The following RFTN1 variants were observed in gnomAD, a reference collection of about 807,000 sequenced individuals.
RFTN1 encodes raftlin, lipid raft linker 1.
Under a neutral mutation model 46.5 loss-of-function variants are expected in RFTN1, and 26 were observed. That is an observed-to-expected ratio of 0.56 (90% CI 0.41 to 0.78). The LOEUF (loss-of-function observed/expected upper bound fraction) is 0.78, where lower values mean the gene tolerates loss of function less well. RFTN1 is among the 30% of genes least tolerant of loss of function. The probability of loss-of-function intolerance (pLI) is 0.00; values close to 1 mark genes in which losing one functional copy is unlikely to be tolerated. For synonymous variants in RFTN1, 261 were observed against 284.2 expected (o/e 0.92, Z 0.82); for missense variants, 693 against 718.7 (o/e 0.96, Z 0.41).
intron 2 of RFTN1, among the ~76,000 whole-genome samples, chr3:16,469,288 A>C (rs182733191): frequency 5.6e-4 from 85 of 152,378 alleles, no homozygotes; most frequent in African/African-American, 1.9e-3. Flanking sequence ...AAGGACTTCG[A>C]AGCGTGACTG....
intron 2 of RFTN1, among the ~76,000 whole-genome samples, chr3:16,455,973 G>A (rs1213587017): frequency 2.2e-5 from 1 of 46,448 alleles, no homozygotes; most frequent in Non-Finnish European, 4.4e-5. Context: ...CCCTCCCACC[G>A]CCCCCACCCC....
Position 16,316,534 on chromosome 3 carries a change from T to C in RFTN1, c.*294A>G, listed in dbSNP as rs559696054. 34 of 447,194 alleles carry C rather than the reference T, an allele frequency of 7.6e-5. 1 individual carries two copies. The Admixed American group carries it at 1.1e-3, about 15-fold the overall frequency. 27.7% of individuals were successfully genotyped at this position (447,194 alleles called of 1,614,324 possible). A position where few individuals can be genotyped will look rare whatever the true frequency, so the allele number is the denominator to read the frequency against. ...CAGGCACTGGATGGTCCAGACCCTC[T>C]GGCTGGAGGAGTGGTGGAGCCAGGA... is the stretch of plus-strand genomic sequence containing the variant. On this transcript the variant is annotated 3_prime_UTR_variant, in exon 10 of 10. Coordinates refer to ENST00000334133, the MANE Select transcript of RFTN1 (RefSeq NM_015150.2). This position sits in a 1 kb window ranked among gnomAD's most constrained non-coding sequence, Gnocchi z 4.5.
chr3:16,511,391 T>A (rs1242687046), intron 1 of RFTN1, among the ~76,000 whole-genome samples: 2 of 152,206 alleles, frequency 1.3e-5, no homozygotes, highest in African/African-American at 4.8e-5. Context: ...TTAAAGTGCA[T>A]AAAACCATCA....
At chr3:16,415,446 C>CACACACACACAA (rs2075060112) in intron 3 of RFTN1, among the ~76,000 whole-genome samples, 1 of 117,950 alleles carries the variant, frequency 8.5e-6, no homozygotes, top group Non-Finnish European at 2.0e-5. Context: ...CACACACACA[C>CACACACACACAA]ATATATACTT....
rs942148907 is a variant in RFTN1, at chr3:16,509,465, G to A, written c.-9+3977C>T. On this transcript the variant is annotated intron_variant, in intron 1 of 9. Coordinates refer to ENST00000334133, the MANE Select transcript of RFTN1 (RefSeq NM_015150.2). This position sits in a 1 kb window ranked among gnomAD's most constrained non-coding sequence, Gnocchi z 4.9. Reference sequence around the variant, plus strand: ...TGAAGTGAAGATAATATAAGTACTCGCCTCTCATGAGGATTAAATTCAGAT... The same window carrying A: ...TGAAGTGAAGATAATATAAGTACTCACCTCTCATGAGGATTAAATTCAGAT... 5.3e-5 allele frequency among the ~76,000 whole-genome samples: 8 copies of A among 152,132 alleles called. No individual in the cohort carries two copies. Among genetic ancestry groups the A allele is most frequent in the African/African-American group, 1.7e-4 (7 of 41,416 alleles).
intron 1 of RFTN1, among the ~76,000 whole-genome samples, chr3:16,511,177 TTC>T (rs2076895975): frequency 6.6e-6 from 1 of 152,248 alleles, no homozygotes; most frequent in African/African-American, 2.4e-5. Context: ...GACAGTAATA[TTC>T]TCTGTCTTGA....
At chr3:16,415,430 T>TATATATATACACACACACAC in intron 3 of RFTN1, among the ~76,000 whole-genome samples, 2 of 114,300 alleles carry the variant, frequency 1.7e-5, no homozygotes, top group Non-Finnish European at 4.0e-5. Flanking sequence ...TATATATATA[T>TATATATATACACACACACAC]ACACACACAC....
At chr3:16,360,104 G>A (rs2072731239) in intron 6 of RFTN1, among the ~76,000 whole-genome samples, 1 of 151,580 alleles carries the variant, frequency 6.6e-6, no homozygotes, top group South Asian at 2.1e-4. Flanking sequence ...TAGAAACAAA[G>A]GACATAAAGC....
At position 16,499,843 on chromosome 3, in the gene RFTN1, A is replaced by G. The variant is rs543830928; in HGVS notation, c.-8-5966T>C. On this transcript the variant is annotated intron_variant, in intron 1 of 9. Transcript: ENST00000334133. The surrounding 1 kb of genome is among the most constrained non-coding windows in gnomAD (Gnocchi z 4.9). Reference sequence around the variant, plus strand: ...ATGAAGTGGCTATAAACATTTGTGTAGAGGTTTTTATATGGACATAAGTTT... The same window carrying G: ...ATGAAGTGGCTATAAACATTTGTGTGGAGGTTTTTATATGGACATAAGTTT... 1.3e-5 allele frequency among the ~76,000 whole-genome samples: 2 copies of G among 152,344 alleles called. 1 individual carries two copies. Among genetic ancestry groups the G allele is most frequent in the South Asian group, 4.2e-4 (2 of 4,818 alleles).
At position 16,374,804 on chromosome 3, in the gene RFTN1, C is replaced by A. The variant is rs925273398; in HGVS notation, c.826+2914G>T. Among the ~76,000 whole-genome samples, 3 of 152,154 alleles carry A rather than the reference C, an allele frequency of 2.0e-5. No homozygotes were observed. Among genetic ancestry groups the A allele is most frequent in the East Asian group, 3.9e-4 (2 of 5,184 alleles). On this transcript the variant is annotated intron_variant, in intron 5 of 9. Transcript: ENST00000334133. The surrounding 1 kb of genome is among the most constrained non-coding windows in gnomAD (Gnocchi z 5.4). Reference sequence around the variant, plus strand: ...ACGGACCTCCAACCAAAAGGAAATTCCCCCAGACCAGGAAATAAGTCAGCG... The same window carrying A: ...ACGGACCTCCAACCAAAAGGAAATTACCCCAGACCAGGAAATAAGTCAGCG...
intron 1 of RFTN1, among the ~76,000 whole-genome samples, chr3:16,495,400 C>T (rs2076608270): frequency 6.6e-6 from 1 of 152,250 alleles, no homozygotes; most frequent in Non-Finnish European, 1.5e-5. Context: ...AAAGGCTCGC[C>T]AAGTCACTCA....
chr3:16,382,788 T>C lies in RFTN1; in HGVS notation c.442-4686A>G, dbSNP rs1213822379. ...AATTACTTCCTCCTTCTCCATAAAG[T>C]GACCATCCAAGCTCACTTTATTTCA... is the stretch of plus-strand genomic sequence containing the variant. On this transcript the variant is annotated intron_variant, in intron 4 of 9. Transcript: ENST00000334133. This position sits in a 1 kb window ranked among gnomAD's most constrained non-coding sequence, Gnocchi z 4.7. 3.9e-5 allele frequency among the ~76,000 whole-genome samples: 6 copies of C among 152,306 alleles called. No individual in the cohort carries two copies. The East Asian group carries it at 1.2e-3, about 29-fold the overall frequency.
At position 16,418,955 on chromosome 3, in the gene RFTN1, G is replaced by C. The variant is rs1201833830; in HGVS notation, c.333-9472C>G. Among the ~76,000 whole-genome samples the C allele has an allele frequency of 6.6e-6, 1 of 152,170 alleles. No individual in the cohort carries two copies. The highest frequency in any genetic ancestry group is 1.5e-5 in the Non-Finnish European group (1 of 68,032). Reference sequence around the variant, plus strand: ...TGCTATGAGAATTCAATTATTTCCAGTGTCAAGGATCAGGGGAAAATTTAA... The same window carrying C: ...TGCTATGAGAATTCAATTATTTCCACTGTCAAGGATCAGGGGAAAATTTAA... On this transcript the variant is annotated intron_variant, in intron 3 of 9. Transcript: ENST00000334133. This position sits in a 1 kb window ranked among gnomAD's most constrained non-coding sequence, Gnocchi z 5.0.
intron 1 of RFTN1, among the ~76,000 whole-genome samples, chr3:16,508,834 A>T (rs546934395): frequency 2.6e-5 from 1 of 38,648 alleles, no homozygotes; most frequent in Non-Finnish European, 4.8e-5. Flanking sequence ...ACTGAAGGGT[A>T]AAAAAAAAAC....
At chr3:16,511,427 AT>A (rs1245761883) in intron 1 of RFTN1, among the ~76,000 whole-genome samples, 1 of 152,220 alleles carries the variant, frequency 6.6e-6, no homozygotes. Flanking sequence ...GGACACAGGG[AT>A]GGCTGGATGG....
At chr3:16,372,136 G>T (rs1041971450) in intron 5 of RFTN1, among the ~76,000 whole-genome samples, 1 of 152,194 alleles carries the variant, frequency 6.6e-6, no homozygotes, top group Non-Finnish European at 1.5e-5. Context: ...TGTGCAAGTA[G>T]TTTATTTGGG....
chr3:16,345,813 TGTGTGCGCGC>T lies in RFTN1; in HGVS notation c.1146+12109_1146+12118del, dbSNP rs1156459885. Among the ~76,000 whole-genome samples the T allele has an allele frequency of 1.2e-5, 1 of 84,690 alleles. No homozygotes were observed. The highest frequency in any genetic ancestry group is 2.2e-5 in the Non-Finnish European group (1 of 44,662). The allele number at this position is 84,690 out of a possible 152,430, so 55.6% of individuals were successfully genotyped here. ...CTGTGTGTGTGTGTGTGTGTGTGTG[TGTGTGCGCGC>T]GCGCGTGCGCGCACGCGCACATGTG... is the stretch of plus-strand genomic sequence containing the variant. On this transcript the variant is annotated intron_variant, in intron 7 of 9. Transcript: ENST00000334133. The surrounding 1 kb of genome is among the most constrained non-coding windows in gnomAD (Gnocchi z 5.2).
intron 2 of RFTN1, among the ~76,000 whole-genome samples, chr3:16,472,272 G>A (rs912456160): frequency 6.6e-6 from 1 of 151,882 alleles, no homozygotes; most frequent in African/African-American, 2.4e-5. Context: ...GAAAGCCACT[G>A]AGAAAGGCAA....
rs958815698 is a variant in RFTN1 at position 16,348,924 on chromosome 3, C to A, written c.1146+9008G>T. On this transcript the variant is annotated intron_variant, in intron 7 of 9. Transcript: ENST00000334133. The surrounding 1 kb of genome is among the most constrained non-coding windows in gnomAD (Gnocchi z 6.3). ...AGAACACCCGAGCAAGTGGCTGCTG[C>A]CAAGGAGGAGGCAGAGGGAAAATTC... is the stretch of plus-strand genomic sequence containing the variant. Among the ~76,000 whole-genome samples the A allele has an allele frequency of 6.6e-6, 1 of 152,148 alleles. No individual in the cohort carries two copies. The highest frequency in any genetic ancestry group is 1.5e-5 in the Non-Finnish European group (1 of 68,028).
Sources: gnomAD v4.1 joint callset for allele counts (sites outside exome capture counted in the v4.1 genomes callset) on GRCh38, gnomAD v4.1.1 for gene constraint, Gnocchi (gnomAD v3.1) non-coding constraint, MANE v1.5 for transcripts, NCBI Gene and HGNC (gene_info 2026-07-23, HGNC 2026-07-21) for gene names.